TMEM132D: variants seen among roughly 807,000 people sequenced by gnomAD.
TMEM132D encodes mature OL transmembrane protein.
Under a neutral mutation model 62.3 loss-of-function variants are expected in TMEM132D, and 21 were observed. The observed-to-expected ratio is 0.34, with a 90% CI of 0.24 to 0.49. The LOEUF is 0.49. Ranked by LOEUF, TMEM132D falls within the 20% of genes least tolerant of loss-of-function variation. The pLI is 0.99. For missense variants in TMEM132D, 1,346 were observed against 1,402.8 expected (o/e 0.96, Z 0.65); for synonymous variants, 621 against 575.6 (o/e 1.08, Z -1.13).
chr12:129,311,059 G>A lies in TMEM132D; in HGVS notation c.1299+26575C>T, dbSNP rs7977445. ...TAAAAATACAAAAAATTAGCCGGGC[G>A]TGGTAGCGGGCGCCTGTAGTCCCAG... On this transcript the variant is annotated intron_variant, in intron 4 of 8. Coordinates refer to ENST00000422113, the MANE Select transcript of TMEM132D (RefSeq NM_133448.3). Among the ~76,000 whole-genome samples, 2 of 109,984 alleles carry A rather than the reference G, an allele frequency of 1.8e-5. 1 individual carries two copies. The highest frequency in any genetic ancestry group is 2.0e-4 in the Admixed American group (2 of 9,970). The allele number at this position is 109,984 out of a possible 152,430, so 72.2% of individuals were successfully genotyped here.
At chr12:129,221,808 C>T (rs544146344) in intron 4 of TMEM132D, among the ~76,000 whole-genome samples, 156 of 152,326 alleles carry the variant, frequency 1.0e-3, no homozygotes, top group Middle Eastern at 3.4e-3. Flanking sequence ...ACTCCTACCC[C>T]TGGCCTCCCA....
At chr12:129,483,902 C>G (rs567429722) in intron 3 of TMEM132D, among the ~76,000 whole-genome samples, 1 of 152,168 alleles carries the variant, frequency 6.6e-6, no homozygotes, top group Non-Finnish European at 1.5e-5. Context: ...TTTGCACCTG[C>G]CAAAACATAT....
intron 5 of TMEM132D, among the ~76,000 whole-genome samples, chr12:129,157,458 C>T (rs1877280815): frequency 1.3e-5 from 2 of 152,222 alleles, no homozygotes; most frequent in African/African-American, 4.8e-5. Flanking sequence ...TCTTTATGTT[C>T]ACATCATCAT....
intron 5 of TMEM132D, among the ~76,000 whole-genome samples, chr12:129,191,290 AG>A: frequency 1.4e-5 from 1 of 72,232 alleles, no homozygotes; most frequent in East Asian, 3.6e-4. Flanking sequence ...GAAGGGAAAT[AG>A]GACACACACA....
At chr12:129,269,887 T>C (rs1030218474) in intron 4 of TMEM132D, among the ~76,000 whole-genome samples, 1 of 152,186 alleles carries the variant, frequency 6.6e-6, no homozygotes, top group African/African-American at 2.4e-5. Flanking sequence ...CTTCAGCTAT[T>C]GCCACTTAAT....
rs567700820 is a variant in TMEM132D at position 129,515,818 on chromosome 12, C to T, written c.1115+15241G>A. On this transcript the variant is annotated intron_variant, in intron 3 of 8. Transcript: ENST00000422113. ...TGTAACTGTCCATTCCTCATTGAACCCATGCATAAAGCCACAGTTTTCCCT... is the reference window on the plus strand; with the variant it reads ...TGTAACTGTCCATTCCTCATTGAACTCATGCATAAAGCCACAGTTTTCCCT... Among the ~76,000 whole-genome samples, 4 of 152,304 alleles carry T rather than the reference C, an allele frequency of 2.6e-5. No individual in the cohort carries two copies. The East Asian group carries it at 7.7e-4, about 29-fold the overall frequency.
intron 5 of TMEM132D, among the ~76,000 whole-genome samples, chr12:129,148,574 C>T (rs1285772516): frequency 1.3e-5 from 2 of 152,190 alleles, no homozygotes; most frequent in African/African-American, 4.8e-5. Flanking sequence ...AGGACCACAG[C>T]CCTGCCAGTG....
chr12:129,812,302 C>T lies in TMEM132D; in HGVS notation c.79+90959G>A, dbSNP rs1872210542. Among the ~76,000 whole-genome samples the T allele has an allele frequency of 2.0e-5, 3 of 151,812 alleles. No homozygotes were observed. The South Asian group carries it at 6.4e-4, about 32-fold the overall frequency. ...ACAGTGGTGTTTTCACCAAAGAAGA[C>T]TCTGCTATCACTGACACCACGTGTA... On this transcript the variant is annotated intron_variant, in intron 1 of 8. Coordinates refer to ENST00000422113, the MANE Select transcript of TMEM132D (RefSeq NM_133448.3).
At chr12:129,902,459 T>C (rs972129375) in intron 1 of TMEM132D, among the ~76,000 whole-genome samples, 2 of 151,996 alleles carry the variant, frequency 1.3e-5, no homozygotes, top group African/African-American at 4.8e-5. Flanking sequence ...ACCATTTCTC[T>C]TCAAGGAAGA....
At chr12:129,561,677 T>A (rs1252276988) in intron 2 of TMEM132D, among the ~76,000 whole-genome samples, 1 of 152,212 alleles carries the variant, frequency 6.6e-6, no homozygotes, top group African/African-American at 2.4e-5. Context: ...TGCATCACCA[T>A]GAAAGAAGAT....
intron 5 of TMEM132D, among the ~76,000 whole-genome samples, chr12:129,130,707 A>G (rs1876350882): frequency 1.3e-5 from 2 of 152,114 alleles, no homozygotes; most frequent in South Asian, 4.1e-4. Flanking sequence ...GTGAGAGGAG[A>G]GACAGGGTGG....
At chr12:129,477,056 C>T (rs1006774852) in intron 3 of TMEM132D, among the ~76,000 whole-genome samples, 10 of 152,236 alleles carry the variant, frequency 6.6e-5, no homozygotes, top group Admixed American at 1.3e-4. Context: ...GGTTTCAGGA[C>T]GGTGCTTTTC....
intron 1 of TMEM132D, among the ~76,000 whole-genome samples, chr12:129,710,761 G>T (rs1363627272): frequency 5.3e-5 from 8 of 152,130 alleles, no homozygotes; most frequent in Non-Finnish European, 8.8e-5. Context: ...TTGAAAGCCC[G>T]CAGCCATGCT....
At chr12:129,747,152 C>G (rs1000607223) in intron 1 of TMEM132D, among the ~76,000 whole-genome samples, 3 of 129,086 alleles carry the variant, frequency 2.3e-5, no homozygotes, top group Non-Finnish European at 5.0e-5. Flanking sequence ...TGAGCCCATC[C>G]GGTTCCCGTC....
At chr12:129,686,949 G>C (rs1880937061) in intron 2 of TMEM132D, among the ~76,000 whole-genome samples, 1 of 152,162 alleles carries the variant, frequency 6.6e-6, no homozygotes, top group African/African-American at 2.4e-5. Flanking sequence ...CCTTCTAGCT[G>C]TTTTTCAATC....
intron 4 of TMEM132D, among the ~76,000 whole-genome samples, chr12:129,237,176 C>T (rs1184361246): frequency 6.6e-6 from 1 of 151,970 alleles, no homozygotes; most frequent in Non-Finnish European, 1.5e-5. Flanking sequence ...GAATATTAGC[C>T]TGTGGTTTTC....
At chr12:129,219,032 C>T (rs1879284924) in intron 4 of TMEM132D, among the ~76,000 whole-genome samples, 1 of 152,154 alleles carries the variant, frequency 6.6e-6, no homozygotes, top group Admixed American at 6.5e-5. Context: ...TGGGAATGGG[C>T]TCCCATGATG....
intron 2 of TMEM132D, among the ~76,000 whole-genome samples, chr12:129,619,324 T>A (rs2137158018): frequency 6.6e-6 from 1 of 152,288 alleles, no homozygotes; most frequent in Non-Finnish European, 1.5e-5. Context: ...TGCATCCCTG[T>A]TGAAATTCTC....
At chr12:129,641,953 T>A (rs1458672979) in intron 2 of TMEM132D, among the ~76,000 whole-genome samples, 3 of 152,076 alleles carry the variant, frequency 2.0e-5, no homozygotes, top group East Asian at 3.9e-4. Flanking sequence ...ATCATGCAAA[T>A]TTTCCAAATA....
Sources: allele counts gnomAD v4.1 joint callset (sites outside exome capture counted in the v4.1 genomes callset), GRCh38; gene constraint gnomAD v4.1.1; transcripts MANE v1.5; gene names NCBI Gene and HGNC (gene_info 2026-07-23, HGNC 2026-07-21).